The following COL1A2 variants were observed in gnomAD, a reference collection of about 807,000 sequenced individuals.
The protein encoded by COL1A2 is collagen alpha-2(I) chain.
A neutral mutation model predicts 174.3 loss-of-function variants in COL1A2; 49 were observed. The observed-to-expected ratio is 0.28, with a 90% CI of 0.22 to 0.36. The LOEUF (loss-of-function observed/expected upper bound fraction) is 0.36, where lower values mean the gene tolerates loss of function less well. Ranked by LOEUF, COL1A2 falls within the 10% of genes least tolerant of loss-of-function variation. The probability of loss-of-function intolerance (pLI) is 1.00; values close to 1 mark genes in which losing one functional copy is unlikely to be tolerated. For missense variants in COL1A2, 1,438 were observed against 1,822.7 expected, an observed-to-expected ratio of 0.79 and a Z score of 3.84; for synonymous variants, 655 against 606.6, an observed-to-expected ratio of 1.08 and a Z score of -1.17.
At chr7:94,404,407 GT>G in intron 6 of COL1A2, 148 bp from the exon 7 acceptor site, 2 of 804,014 alleles carry the variant, frequency 2.5e-6, no homozygotes, top group Admixed American at 2.0e-5. Context: ...AGTGCAGGAA[GT>G]TTGAGTCCTT....
rs746887380 is a variant in COL1A2 at position 94,408,203 on chromosome 7, T to C, written c.660T>C (p.Gly220=). The change falls in exon 14 of 52, where the codon GGT becomes GGC. Residue 220 remains glycine, a synonymous_variant. Transcript: ENST00000297268. The part of the protein sequence containing the change: ...PGQTGARGLP[G]ERGRVGAPGP... ...TCTAGGGAGCCCGTGGGCTTCCTGGTGAGAGAGGACGTGTTGGTGCCCCTG... is the reference window on the plus strand; with the variant it reads ...TCTAGGGAGCCCGTGGGCTTCCTGGCGAGAGAGGACGTGTTGGTGCCCCTG... 3 of 1,613,866 alleles carry C rather than the reference T, an allele frequency of 1.9e-6. No individual in the cohort carries two copies. Among genetic ancestry groups the C allele is most frequent in the South Asian group, 2.2e-5 (2 of 91,070 alleles).
chr7:94,428,603 G>T (rs1418248465), intron 50 of COL1A2, 126 bp downstream of exon 50: 5 of 916,508 alleles, frequency 5.5e-6, no homozygotes, highest in African/African-American at 1.6e-5. Flanking sequence ...TCCTTTCCTG[G>T]GTTCCAATTT....
Position 94,426,423 on chromosome 7 carries a change from G to A in COL1A2, c.2998G>A (p.Gly1000Ser). Residue 1000 changes from glycine to serine, a missense_variant and splice_region_variant, in exon 46 of 52, where the codon GGC becomes AGC. Gly to Ser is a moderately conservative substitution (Grantham distance 56). This residue lies in a region of COL1A2 where 867 missense variants were observed against 1,213.7 expected (regional missense o/e 0.71). Coordinates refer to ENST00000297268, the MANE Select transcript of COL1A2 (RefSeq NM_000089.4). ...AGAVGPRGPS[G>S]PQGIRGDKGE... ...TATCCATCCTTCTGTTTCTTTATAGGGCCCACAAGGCATTCGTGGCGATAA... is the reference window on the plus strand; with the variant it reads ...TATCCATCCTTCTGTTTCTTTATAGAGCCCACAAGGCATTCGTGGCGATAA... 6.3e-7 allele frequency: 1 copy of A among 1,589,960 alleles called. No homozygotes were observed. Among genetic ancestry groups the A allele is most frequent in the South Asian group, 1.2e-5 (1 of 86,806 alleles).
Position 94,412,691 on chromosome 7 carries a change from C to T in COL1A2, c.1503+9C>T. 6.2e-7 allele frequency: 1 copy of T among 1,611,208 alleles called. No homozygotes were observed. The highest frequency in any genetic ancestry group is 8.5e-7 in the Non-Finnish European group (1 of 1,177,542). On this transcript the variant is annotated intron_variant, in intron 25 of 51. Transcript: ENST00000297268. ...GACCCAAAGGCCCCACTGTAAGAAT[C>T]ACCACAACTTTCTTACCCTCAGCAC...
intron 38 of COL1A2, chr7:94,421,362 A>G (rs1792158665): frequency 2.1e-6 from 1 of 470,474 alleles, no homozygotes; most frequent in Non-Finnish European, 3.9e-6. Context: ...CTGCCTGACC[A>G]TGTCCTTCTC....
chr7:94,406,044 C>T (rs1313594284), intron 11 of COL1A2, among the ~76,000 whole-genome samples: 1 of 152,170 alleles, frequency 6.6e-6, no homozygotes, highest in African/African-American at 2.4e-5. Context: ...CCTAGTCCTC[C>T]ATCCTTCTCT....
chr7:94,415,181 G>T, intron 29 of COL1A2, 45 bp from the exon 30 acceptor site: 2 of 1,564,252 alleles, frequency 1.3e-6, no homozygotes, highest in Non-Finnish European at 1.8e-6. Context: ...AGTGAATTTA[G>T]AGATCACACA....
chr7:94,419,372 A>C, intron 33 of COL1A2, 126 bp from the exon 34 acceptor site: 8 of 1,091,090 alleles, frequency 7.3e-6, no homozygotes, highest in Non-Finnish European at 1.1e-5. Flanking sequence ...GAGGCCTTCT[A>C]GATATCCAAC....
At chr7:94,401,023 A>G (rs943880311) in intron 5 of COL1A2, among the ~76,000 whole-genome samples, 1 of 152,232 alleles carries the variant, frequency 6.6e-6, no homozygotes, top group African/African-American at 2.4e-5. Flanking sequence ...TAAAGTTATT[A>G]CTGTGAACTA....
At chr7:94,420,205 A>G in intron 34 of COL1A2, 28 bp from the exon 35 acceptor site, 2 of 1,612,696 alleles carry the variant, frequency 1.2e-6, no homozygotes, top group Non-Finnish European at 1.7e-6. Flanking sequence ...CAGGCACATT[A>G]ACAGATTCAT....
chr7:94,420,822 A>G, intron 37 of COL1A2, 174 bp downstream of exon 37: 1 of 891,356 alleles, frequency 1.1e-6, no homozygotes, highest in Non-Finnish European at 1.8e-6. Context: ...TTTCATGAAT[A>G]TTGTTTTATT....
rs1792044311 is a variant in COL1A2, at chr7:94,416,474, T to C, written c.1834T>C (p.Ser612Pro). The C allele has an allele frequency of 6.3e-7, 1 of 1,581,666 alleles. No individual in the cohort carries two copies. The highest frequency in any genetic ancestry group is 1.3e-5 in the African/African-American group (1 of 74,256). The change falls in exon 31 of 52, where the codon TCT becomes CCT. Residue 612 changes from serine (S) to proline (P), a missense_variant. Coordinates refer to ENST00000297268, the MANE Select transcript of COL1A2 (RefSeq NM_000089.4). The part of the protein sequence containing the change: ...PTGPIGSRGP[S>P]GPPGPDGNKG... ...TGGTCCTATTGGAAGCCGAGGTCCT[T>C]CTGGACCCCCAGGGCCTGATGGAAA... is the stretch of plus-strand genomic sequence containing the variant.
At chr7:94,398,925 G>T in intron 3 of COL1A2, 124 bp from the exon 4 acceptor site, 1 of 884,554 alleles carries the variant, frequency 1.1e-6, no homozygotes, top group Non-Finnish European at 1.9e-6. Flanking sequence ...TTTTTTATAT[G>T]CTATCTAATA....
At chr7:94,428,236 G>C (rs1792325308) in intron 49 of COL1A2, 57 bp from the exon 50 acceptor site, 3 of 1,346,240 alleles carry the variant, frequency 2.2e-6, no homozygotes, top group Admixed American at 1.7e-5. Flanking sequence ...GTTATTATTA[G>C]AATCTGTGTT....
chr7:94,407,859 G>A lies in COL1A2; in HGVS notation c.607G>A (p.Ala203Thr). 6.2e-7 allele frequency: 1 copy of A among 1,613,974 alleles called. No individual in the cohort carries two copies. The highest frequency in any genetic ancestry group is 1.1e-5 in the South Asian group (1 of 91,062). The change falls in exon 13 of 52, where the codon GCC becomes ACC. Residue 203 changes from alanine (A) to threonine (T), a missense_variant. Around this residue, in one of 3 missense-constraint regions of COL1A2, gnomAD observed 281 missense variants for 310.9 expected, o/e 0.90. Coordinates refer to ENST00000297268, the MANE Select transcript of COL1A2 (RefSeq NM_000089.4). ...GAPGVKGEPG[A>T]PGENGTPGQT... ...CTTCTCCATGTAGGGTGAACCTGGT[G>A]CCCCTGGTGAAAATGGAACTCCAGG...
chr7:94,410,266 A>G lies in COL1A2; in HGVS notation c.1060A>G (p.Lys354Glu). Residue 354 changes from lysine to glutamate, a missense_variant, in exon 20 of 52, where the codon AAA becomes GAA. Around this residue, in one of 3 missense-constraint regions of COL1A2, gnomAD observed 867 missense variants for 1,213.7 expected, o/e 0.71. Coordinates refer to ENST00000297268, the MANE Select transcript of COL1A2 (RefSeq NM_000089.4). ...LVGEPGPAGSKGESGNKGEPG... is the reference protein window; with the variant it reads ...LVGEPGPAGSEGESGNKGEPG... ...GGGTGAGCCTGGTCCAGCTGGCTCC[A>G]AAGGAGAGAGCGGTAACAAGGGTGA... is the stretch of plus-strand genomic sequence containing the variant. 1 of 1,613,958 alleles carries G rather than the reference A, an allele frequency of 6.2e-7. No individual in the cohort carries two copies.
In COL1A2 at chr7:94,425,821, G is replaced by A; in HGVS notation, c.2907G>A (p.Val969=). 6.2e-7 allele frequency: 1 copy of A among 1,612,330 alleles called. No homozygotes were observed. The highest frequency in any genetic ancestry group is 2.2e-5 in the East Asian group (1 of 44,692). The change falls in exon 44 of 52, where the codon GTG becomes GTA. Residue 969 remains valine (V), a synonymous_variant. Transcript: ENST00000297268. ...AAGAPGPHGP[V]GPAGKHGNRG... is the part of the protein sequence containing the mutation. The stretch of plus-strand genomic sequence containing the variant: ...GTGCACCTGGTCCTCATGGCCCCGT[G>A]GGTCCTGCTGGCAAACATGGAAACC...
Position 94,413,078 on chromosome 7 carries a change from T to C in COL1A2, c.1504-5T>C. 1 of 1,614,060 alleles carries C rather than the reference T, an allele frequency of 6.2e-7. No homozygotes were observed. Among genetic ancestry groups the C allele is most frequent in the Non-Finnish European group, 8.5e-7 (1 of 1,179,918 alleles). ...TCTTTGTTTTGTTTTTCATTTTTACTCTAGGGTGATCCTGGCAAAAACGGT... is the reference window on the plus strand; with the variant it reads ...TCTTTGTTTTGTTTTTCATTTTTACCCTAGGGTGATCCTGGCAAAAACGGT... On this transcript the variant is annotated splice_region_variant and splice_polypyrimidine_tract_variant and intron_variant, in intron 25 of 51. Coordinates refer to ENST00000297268, the MANE Select transcript of COL1A2 (RefSeq NM_000089.4).
intron 40 of COL1A2, chr7:94,423,348 A>G (rs1792208220): frequency 1.8e-6 from 1 of 555,878 alleles, no homozygotes. Flanking sequence ...GTTTTATCAC[A>G]AAGCCCTTAA....
Sources: allele counts gnomAD v4.1 joint callset (sites outside exome capture counted in the v4.1 genomes callset), GRCh38; gene constraint gnomAD v4.1.1; regional missense constraint gnomAD v4.1.1; transcripts MANE v1.5; gene names NCBI Gene and HGNC (gene_info 2026-07-23, HGNC 2026-07-21).